PPP3CA: variants seen among roughly 807,000 people sequenced by gnomAD.
The protein encoded by PPP3CA is CAM-PRP catalytic subunit.
In PPP3CA, 14 loss-of-function variants were observed where a neutral mutation model predicts 66.5. The ratio of observed to expected loss-of-function variants is 0.21; its 90% CI spans 0.14 to 0.33. The LOEUF (loss-of-function observed/expected upper bound fraction) is 0.33, where lower values mean the gene tolerates loss of function less well. Ranked by LOEUF, PPP3CA falls within the 10% of genes least tolerant of loss-of-function variation. PPP3CA has a pLI of 1.00. For missense variants in PPP3CA, 317 were observed against 639.5 expected (o/e 0.50, Z 5.44); for synonymous variants, 232 against 226.2 (o/e 1.03, Z -0.23).
At chr4:101,040,591 G>A (rs377517093) in intron 10 of PPP3CA, 25 bp from the exon 11 acceptor site, 82 of 1,572,830 alleles carry the variant, frequency 5.2e-5, no homozygotes, top group Admixed American at 7.2e-5. Flanking sequence ...AGAGTTCAGT[G>A]GTCAGTAATT....
chr4:101,256,009 A>AT (rs1726828430), intron 1 of PPP3CA, among the ~76,000 whole-genome samples: 1 of 151,956 alleles, frequency 6.6e-6, no homozygotes, highest in Non-Finnish European at 1.5e-5. Flanking sequence ...TGGTCATTAG[A>AT]TAGTTAAAGT....
intron 10 of PPP3CA, among the ~76,000 whole-genome samples, chr4:101,047,037 T>C (rs946055266): frequency 1.3e-5 from 2 of 152,202 alleles, no homozygotes; most frequent in African/African-American, 4.8e-5. Context: ...GGAAAATACA[T>C]GTCCAACAGT....
chr4:101,188,290 T>C (rs991339179), intron 2 of PPP3CA, among the ~76,000 whole-genome samples: 6 of 152,080 alleles, frequency 3.9e-5, no homozygotes, highest in African/African-American at 1.4e-4. Context: ...TGAAGATAAA[T>C]AAGTCATTAA....
chr4:101,273,076 A>C (rs1006835362), intron 1 of PPP3CA, among the ~76,000 whole-genome samples: 2 of 152,180 alleles, frequency 1.3e-5, no homozygotes, highest in African/African-American at 4.8e-5. Context: ...AAAGGACAAG[A>C]ATTTTATAAA....
chr4:101,221,374 C>T (rs1725619410), intron 1 of PPP3CA, among the ~76,000 whole-genome samples: 1 of 151,554 alleles, frequency 6.6e-6, no homozygotes, highest in African/African-American at 2.4e-5. Flanking sequence ...TGATATTTTA[C>T]ATCTATTTCA....
At chr4:101,288,495 T>C (rs1259288268) in intron 1 of PPP3CA, among the ~76,000 whole-genome samples, 1 of 150,044 alleles carries the variant, frequency 6.7e-6, no homozygotes. Context: ...ATTAACAGAT[T>C]ATAATTTTTA....
At chr4:101,245,285 A>G (rs1269638990) in intron 1 of PPP3CA, among the ~76,000 whole-genome samples, 1 of 152,186 alleles carries the variant, frequency 6.6e-6, no homozygotes, top group Non-Finnish European at 1.5e-5. Flanking sequence ...GCTCCTCTGT[A>G]TCTGAGCTCA....
intron 1 of PPP3CA, among the ~76,000 whole-genome samples, chr4:101,209,106 T>C (rs1358501691): frequency 1.3e-5 from 2 of 152,218 alleles, no homozygotes; most frequent in Admixed American, 1.3e-4. Flanking sequence ...TGAGAATATT[T>C]ATATTTGTAA....
intron 2 of PPP3CA, among the ~76,000 whole-genome samples, chr4:101,137,476 CT>C (rs998744355): frequency 6.6e-6 from 1 of 152,026 alleles, no homozygotes; most frequent in African/African-American, 2.4e-5. Flanking sequence ...GCAAATAAAC[CT>C]GTCCAGGCTC....
At chr4:101,330,884 G>A (rs904466115) in intron 1 of PPP3CA, among the ~76,000 whole-genome samples, 7 of 151,854 alleles carry the variant, frequency 4.6e-5, no homozygotes, top group South Asian at 2.1e-4. Flanking sequence ...GTTTTGGATC[G>A]TTTGTGTTAT....
chr4:101,153,190 T>A lies in PPP3CA; in HGVS notation c.259+42726A>T, dbSNP rs79968521. Among the ~76,000 whole-genome samples the A allele has an allele frequency of 2.2e-3, 341 of 152,294 alleles. 2 individuals are homozygous for A. The highest frequency in any genetic ancestry group is 7.6e-3 in the African/African-American group (314 of 41,574). On this transcript the variant is annotated intron_variant, in intron 2 of 13. Transcript: ENST00000394854. ...AAAGAGATGCTATTAAAGGGTTTTG[T>A]GTAGGGACAGTGGACTGACTTGTAT...
rs1032614484 is a variant in PPP3CA, at chr4:101,122,448, T to C, written c.260-13370A>G. On this transcript the variant is annotated intron_variant, in intron 2 of 13. Coordinates refer to ENST00000394854, the MANE Select transcript of PPP3CA (RefSeq NM_000944.5). ...TGTGCACACGTACTTATGTTACAGA[T>C]GTGACACAGGGTAGATTCTGCTGCT... Among the ~76,000 whole-genome samples, 20 of 152,338 alleles carry C rather than the reference T, an allele frequency of 1.3e-4. No individual in the cohort carries two copies. In the East Asian group the frequency reaches 3.7e-3, roughly 28 times the overall value.
At chr4:101,046,345 T>C (rs1727766175) in intron 10 of PPP3CA, among the ~76,000 whole-genome samples, 1 of 152,160 alleles carries the variant, frequency 6.6e-6, no homozygotes, top group South Asian at 2.1e-4. Flanking sequence ...AAAATTGTTA[T>C]TGTTATTGAG....
chr4:101,346,432 C>A (rs990799173), intron 1 of PPP3CA, among the ~76,000 whole-genome samples: 74 of 152,154 alleles, frequency 4.9e-4, no homozygotes, highest in Admixed American at 2.0e-3. Context: ...CAGCAACCAC[C>A]CCCCGGGCGC....
At chr4:101,153,830 C>T (rs1269426505) in intron 2 of PPP3CA, among the ~76,000 whole-genome samples, 1 of 152,140 alleles carries the variant, frequency 6.6e-6, no homozygotes. Flanking sequence ...CCACTGTGTG[C>T]TCAGGCATAC....
At chr4:101,306,394 C>T (rs906622209) in intron 1 of PPP3CA, among the ~76,000 whole-genome samples, 10 of 152,092 alleles carry the variant, frequency 6.6e-5, no homozygotes, top group Admixed American at 1.3e-4. Context: ...ACCTGACCAC[C>T]AAGGCTCCCC....
intron 10 of PPP3CA, among the ~76,000 whole-genome samples, chr4:101,055,615 A>G (rs958342446): frequency 2.6e-5 from 4 of 152,166 alleles, no homozygotes; most frequent in African/African-American, 9.6e-5. Flanking sequence ...TCCTTTATTT[A>G]TAAGACAGAA....
Position 101,023,485 on chromosome 4 carries a change from T to C in PPP3CA, c.*2380A>G, listed in dbSNP as rs1241680034. ...GCCATAGTTGCCTCAGCACAATTTG[T>C]AAAAGAAAGGAATCCAAAAAAATGA... On this transcript the variant is annotated 3_prime_UTR_variant, in exon 14 of 14. Transcript: ENST00000394854. 2.0e-5 allele frequency: 3 copies of C among 152,182 alleles called. No individual in the cohort carries two copies. Among genetic ancestry groups the C allele is most frequent in the African/African-American group, 2.4e-5 (1 of 41,438 alleles). The allele number at this position is 152,182 out of a possible 1,614,324, so 9.4% of individuals were successfully genotyped here. A position where few individuals can be genotyped will look rare whatever the true frequency, so the allele number is the denominator to read the frequency against.
chr4:101,215,658 T>C (rs1725430589), intron 1 of PPP3CA, among the ~76,000 whole-genome samples: 2 of 152,080 alleles, frequency 1.3e-5, no homozygotes, highest in South Asian at 2.1e-4. Flanking sequence ...TGGTGACCAT[T>C]CTAATCCTAA....
Sources: gnomAD v4.1 joint callset for allele counts (sites outside exome capture counted in the v4.1 genomes callset) on GRCh38, gnomAD v4.1.1 for gene constraint, MANE v1.5 for transcripts, NCBI Gene and HGNC (gene_info 2026-07-23, HGNC 2026-07-21) for gene names.